The following CC2D1B variants were observed in gnomAD, a reference collection of about 807,000 sequenced individuals.
CC2D1B encodes the protein coiled-coil and C2 domain-containing protein 1B.
A neutral mutation model predicts 110.8 loss-of-function variants in CC2D1B; 92 were observed. The ratio of observed to expected loss-of-function variants is 0.83; its 90% CI spans 0.70 to 0.99. CC2D1B has a LOEUF of 0.99. CC2D1B is among the 50% of genes least tolerant of loss of function. The pLI is 0.00. For synonymous variants in CC2D1B, 406 were observed against 429.2 expected (o/e 0.95, Z 0.67); for missense variants, 1,136 against 1,089.0 (o/e 1.04, Z -0.61).
At position 52,355,398 on chromosome 1, in the gene CC2D1B, C is replaced by G; in HGVS notation, c.2239G>C (p.Glu747Gln). ...TAVVKNTNSP[E>Q]FDQLFKLNIN... The stretch of plus-strand genomic sequence containing the variant: ...AAAGAGGCCCACGTGTGGCCCTCAC[C>G]TGGAGAGTTTGTGTTCTTCACCACA... The change falls in exon 21 of 25, where the codon GAA becomes CAA. Residue 747 changes from glutamate (E) to glutamine (Q), a missense_variant and splice_region_variant. Coordinates refer to ENST00000284376, the MANE Select transcript of CC2D1B (RefSeq NM_001330585.2). 2 of 1,614,014 alleles carry G rather than the reference C, an allele frequency of 1.2e-6. No individual in the cohort carries two copies. The highest frequency in any genetic ancestry group is 1.7e-6 in the Non-Finnish European group (2 of 1,179,976).
chr1:52,353,423 G>T, intron 24 of CC2D1B, 95 bp downstream of exon 24: 1 of 1,524,540 alleles, frequency 6.6e-7, no homozygotes, highest in Non-Finnish European at 8.8e-7. Context: ...TCTCATAGAT[G>T]AGAAACTCCT....
Position 52,355,083 on chromosome 1 carries a change from G to A in CC2D1B, c.2240-144C>T, listed in dbSNP as rs149059637. 2.6e-4 allele frequency: 182 copies of A among 693,998 alleles called. No homozygotes were observed. The East Asian group carries it at 4.6e-3, about 18-fold the overall frequency. 43.0% of individuals were successfully genotyped at this position (693,998 alleles called of 1,614,324 possible). Reference sequence around the variant, plus strand: ...TGCCTCCAAAGGGTGGTAGAGCATCGCGGTCCTGGCCTTGGAAGTGAGTTT... The same window carrying A: ...TGCCTCCAAAGGGTGGTAGAGCATCACGGTCCTGGCCTTGGAAGTGAGTTT... On this transcript the variant is annotated intron_variant, in intron 21 of 24. Coordinates refer to ENST00000284376, the MANE Select transcript of CC2D1B (RefSeq NM_001330585.2).
chr1:52,364,504 C>A (rs745786496), intron 2 of CC2D1B, 48 bp downstream of exon 2: 3 of 1,338,614 alleles, frequency 2.2e-6, no homozygotes, highest in Non-Finnish European at 3.1e-6. Context: ...TGTCTAGGGA[C>A]CCCCATCCCC....
chr1:52,355,472 T>G, intron 20 of CC2D1B, 23 bp from the exon 21 acceptor site: 1 of 1,613,918 alleles, frequency 6.2e-7, no homozygotes, highest in East Asian at 2.2e-5. Context: ...GAGGGAGAAG[T>G]CAGGACAGCG....
In CC2D1B at chr1:52,357,085, G is replaced by A. The variant is rs147928724; in HGVS notation, c.1794C>T (p.Leu598=). ...PLTDEEGDFI[L]IHHEDLRLSQ... is the part of the protein sequence containing the mutation. The stretch of plus-strand genomic sequence containing the variant: ...AGAGTCGCAGGTCCTCATGGTGGAT[G>A]AGGATGAAGTCACCCTCCTCATCCG... The change falls in exon 16 of 25, where the codon CTC becomes CTT. Residue 598 remains leucine (L), a synonymous_variant. Transcript: ENST00000284376. 3.7e-6 allele frequency: 6 copies of A among 1,612,916 alleles called. No individual in the cohort carries two copies. The African/African-American group carries it at 6.7e-5, about 18-fold the overall frequency.
chr1:52,362,779 C>A (rs1293270873), intron 2 of CC2D1B, 33 bp from the exon 3 acceptor site: 1 of 1,611,678 alleles, frequency 6.2e-7, no homozygotes, highest in South Asian at 1.1e-5. Context: ...AGGAACCACA[C>A]AACAAGCAGG....
intron 18 of CC2D1B, 96 bp from the exon 19 acceptor site, chr1:52,355,940 G>C: frequency 7.8e-7 from 1 of 1,283,752 alleles, no homozygotes; most frequent in Non-Finnish European, 1.1e-6. Flanking sequence ...GCTGGGTGGT[G>C]ACGGGAGGGA....
In CC2D1B at chr1:52,358,697, G is replaced by C; in HGVS notation, c.1319C>G (p.Pro440Arg). The change falls in exon 12 of 25, where the codon CCT becomes CGT. Residue 440 changes from proline to arginine, a missense_variant. Coordinates refer to ENST00000284376, the MANE Select transcript of CC2D1B (RefSeq NM_001330585.2). ...AGRKVNFAEL[P>R]VPPGFPPIPG... is the part of the protein sequence containing the mutation. ...CATGCCCCACTTACCTGGAGGAACA[G>C]GCAATTCAGCAAAGTTGACTTTCCG... is the stretch of plus-strand genomic sequence containing the variant. 1.2e-6 allele frequency: 2 copies of C among 1,613,220 alleles called. No homozygotes were observed. Among genetic ancestry groups the C allele is most frequent in the Non-Finnish European group, 1.7e-6 (2 of 1,179,742 alleles).
chr1:52,354,984 T>C, intron 21 of CC2D1B, 45 bp from the exon 22 acceptor site: 1 of 1,515,614 alleles, frequency 6.6e-7, no homozygotes, highest in South Asian at 1.1e-5. Context: ...CTCTCGGGAT[T>C]TCCTGAGGAA....
chr1:52,363,281 G>C (rs1229124748), intron 2 of CC2D1B, among the ~76,000 whole-genome samples: 1 of 151,898 alleles, frequency 6.6e-6, no homozygotes, highest in Non-Finnish European at 1.5e-5. Flanking sequence ...TGTAGTCCCA[G>C]CTACTCGGGA....
Position 52,352,337 on chromosome 1 carries a change from C to T in CC2D1B, c.*888G>A, listed in dbSNP as rs1036344392. On this transcript the variant is annotated 3_prime_UTR_variant, in exon 25 of 25. Transcript: ENST00000284376. ...TAAGGAAGTTCCCCACATAACCAGCCGAAGAGGAAAGGCTTTCCCTGTCCT... is the reference window on the plus strand; with the variant it reads ...TAAGGAAGTTCCCCACATAACCAGCTGAAGAGGAAAGGCTTTCCCTGTCCT... 3.3e-5 allele frequency: 5 copies of T among 152,514 alleles called. No homozygotes were observed. The highest frequency in any genetic ancestry group is 5.9e-5 in the Non-Finnish European group (4 of 68,032). The allele number at this position is 152,514 out of a possible 1,614,324, so 9.4% of individuals were successfully genotyped here.
chr1:52,353,602 CCTTCACCTCCAG>C lies in CC2D1B; in HGVS notation c.2464_2475del (p.Leu822_Lys825del), dbSNP rs1372875471. 6.2e-7 allele frequency: 1 copy of C among 1,613,106 alleles called. No individual in the cohort carries two copies. The highest frequency in any genetic ancestry group is 1.1e-5 in the South Asian group (1 of 90,960). ...CCACTCAGAGGCTCCCGCAGCCTCA[CCTTCACCTCCAG>C]CTTCCCCCCGGTGGGCTTCCTTCCA... On this transcript the variant is annotated inframe_deletion, in exon 24 of 25. Transcript: ENST00000284376.
chr1:52,357,239 T>A, intron 15 of CC2D1B, 113 bp from the exon 16 acceptor site: 1 of 1,277,378 alleles, frequency 7.8e-7, no homozygotes, highest in Non-Finnish European at 1.1e-6. Flanking sequence ...TAAAGTCCAG[T>A]GATGACAACT....
intron 18 of CC2D1B, 138 bp from the exon 19 acceptor site, chr1:52,355,982 G>A: frequency 1.0e-6 from 1 of 971,124 alleles, no homozygotes; most frequent in Non-Finnish European, 1.6e-6. Flanking sequence ...CTTGATCTCT[G>A]ACTTCTGGTC....
chr1:52,361,103 G>C lies in CC2D1B; in HGVS notation c.348C>G (p.Asp116Glu), dbSNP rs200076731. ...CACCATCCAGGGGCTCAGTCTCCTC[G>C]TCCACACCTAAGACCTCCTGCAGCT... ...LTELQEVLGV[D>E]EETEPLDGDE... Residue 116 changes from aspartate (D) to glutamate (E), a missense_variant, in exon 5 of 25, where the codon GAC becomes GAG. Asp to Glu is a conservative substitution (Grantham distance 45, BLOSUM62 2). Transcript: ENST00000284376. 1 of 1,613,938 alleles carries C rather than the reference G, an allele frequency of 6.2e-7. No homozygotes were observed. The highest frequency in any genetic ancestry group is 1.3e-5 in the African/African-American group (1 of 74,952).
At chr1:52,353,304 T>G (rs920780181) in intron 24 of CC2D1B, 81 bp from the exon 25 acceptor site, 94 of 1,349,082 alleles carry the variant, frequency 7.0e-5, no homozygotes, top group Non-Finnish European at 7.8e-5. Flanking sequence ...TTCCTGAAGA[T>G]AGATAGATAG....
Position 52,360,106 on chromosome 1 carries a change from G to C in CC2D1B, c.731C>G (p.Thr244Arg), listed in dbSNP as rs1309583487. 9 of 1,601,370 alleles carry C rather than the reference G, an allele frequency of 5.6e-6. No individual in the cohort carries two copies. Among genetic ancestry groups the C allele is most frequent in the Non-Finnish European group, 7.7e-6 (9 of 1,173,962 alleles). ...PQEPANRSPETDPPAPPALES... is the reference protein window; with the variant it reads ...PQEPANRSPERDPPAPPALES... The stretch of plus-strand genomic sequence containing the variant: ...CAAGGCAGGGGGAGCTGGAGGGTCT[G>C]TCTCAGGGCTCCTGTTGGCTGGTTC... The change falls in exon 7 of 25, where the codon ACA becomes AGA. Residue 244 changes from threonine (T) to arginine (R), a missense_variant. Thr to Arg is a moderately conservative substitution (Grantham distance 71). Coordinates refer to ENST00000284376, the MANE Select transcript of CC2D1B (RefSeq NM_001330585.2).
chr1:52,364,831 T>C (rs948871713), intron 1 of CC2D1B, among the ~76,000 whole-genome samples, 197 bp from the exon 2 acceptor site: 1 of 152,230 alleles, frequency 6.6e-6, no homozygotes, highest in African/African-American at 2.4e-5. Flanking sequence ...ATGGGTTTAC[T>C]GAGGAATGTT....
In CC2D1B at chr1:52,354,678, T is replaced by C. The variant is rs1468606511; in HGVS notation, c.2360A>G (p.Lys787Arg). The C allele has an allele frequency of 1.9e-6, 3 of 1,614,250 alleles. No homozygotes were observed. Among genetic ancestry groups the C allele is most frequent in the Non-Finnish European group, 2.5e-6 (3 of 1,180,044 alleles). ...FHKGSFFRSDKLVGTAHLKLE... is the reference protein window; with the variant it reads ...FHKGSFFRSDRLVGTAHLKLE... ...TTTCAGGTGTGCTGTGCCAACCAGCTTGTCGCTTCTGAAGAAGGACCTGGG... is the reference window on the plus strand; with the variant it reads ...TTTCAGGTGTGCTGTGCCAACCAGCCTGTCGCTTCTGAAGAAGGACCTGGG... The change falls in exon 23 of 25, where the codon AAG (lysine) becomes AGG (arginine). Residue 787 changes from lysine (K) to arginine (R), a missense_variant. Lys to Arg is a conservative substitution (Grantham distance 26). Transcript: ENST00000284376.
Sources: gnomAD v4.1 joint callset for allele counts (sites outside exome capture counted in the v4.1 genomes callset) on GRCh38, gnomAD v4.1.1 for gene constraint, MANE v1.5 for transcripts, NCBI Gene and HGNC (gene_info 2026-07-23, HGNC 2026-07-21) for gene names.